MSI2: variants seen among roughly 807,000 people sequenced by gnomAD.
MSI2 encodes the protein musashi RNA binding protein 2.
In MSI2, 17 loss-of-function variants were observed where a neutral mutation model predicts 45.6. The observed-to-expected ratio is 0.37, with a 90% CI of 0.26 to 0.56. MSI2 has a LOEUF of 0.56. Ranked by LOEUF, MSI2 falls within the 20% of genes least tolerant of loss-of-function variation. The probability of loss-of-function intolerance (pLI) is 0.77; values close to 1 mark genes in which losing one functional copy is unlikely to be tolerated. For synonymous variants in MSI2, 156 were observed against 158.2 expected (o/e 0.99, Z 0.11); for missense variants, 293 against 444.2 (o/e 0.66, Z 3.06).
chr17:57,300,334 T>C (rs1041828828), intron 5 of MSI2, among the ~76,000 whole-genome samples: 6 of 152,214 alleles, frequency 3.9e-5, no homozygotes, highest in Non-Finnish European at 5.9e-5. Flanking sequence ...TAAAAAATGT[T>C]CCCAATTACA....
intron 5 of MSI2, among the ~76,000 whole-genome samples, chr17:57,393,017 GA>G (rs1482850113): frequency 1.3e-5 from 2 of 152,066 alleles, no homozygotes; most frequent in Admixed American, 1.3e-4. Context: ...ACCTCAAAAA[GA>G]AACCGCATAC....
At chr17:57,472,162 A>G (rs2085450512) in intron 6 of MSI2, among the ~76,000 whole-genome samples, 1 of 152,164 alleles carries the variant, frequency 6.6e-6, no homozygotes, top group Non-Finnish European at 1.5e-5. Context: ...AGCCGAAATA[A>G]TGGATGCCTA....
At chr17:57,310,734 C>T (rs577815116) in intron 5 of MSI2, among the ~76,000 whole-genome samples, 1 of 152,136 alleles carries the variant, frequency 6.6e-6, no homozygotes, top group African/African-American at 2.4e-5. Flanking sequence ...ACCAGTGCCA[C>T]GGGGATATTA....
intron 6 of MSI2, among the ~76,000 whole-genome samples, chr17:57,470,577 C>A (rs191844864): frequency 1.1e-4 from 16 of 152,312 alleles, no homozygotes; most frequent in Non-Finnish European, 1.9e-4. Flanking sequence ...CTTGCCTGGC[C>A]CACACTGAAT....
intron 11 of MSI2, among the ~76,000 whole-genome samples, chr17:57,654,744 T>G (rs1172710909): frequency 6.6e-6 from 1 of 152,124 alleles, no homozygotes; most frequent in Non-Finnish European, 1.5e-5. Context: ...GGAGAGTCTG[T>G]TGAGTACCTA....
chr17:57,427,794 A>G (rs896085676), intron 6 of MSI2, among the ~76,000 whole-genome samples: 1 of 152,108 alleles, frequency 6.6e-6, no homozygotes, highest in Non-Finnish European at 1.5e-5. Flanking sequence ...TCGGCTTTTA[A>G]TGGTTTAAGG....
chr17:57,626,955 T>C (rs1361001581), intron 9 of MSI2: 3 of 543,206 alleles, frequency 5.5e-6, no homozygotes, highest in Non-Finnish European at 9.9e-6. Flanking sequence ...TTGGTGCTGA[T>C]GCATGGCATT....
rs573898082 is a variant in MSI2 at position 57,519,458 on chromosome 17, G to A, written c.406-10218G>A. On this transcript the variant is annotated intron_variant, in intron 6 of 13. Coordinates refer to ENST00000284073, the MANE Select transcript of MSI2 (RefSeq NM_138962.4). ...GGGGAGACTCGCATGGCTGAGCCTG[G>A]ACTGCGTTCCAGAGCCCTCTGGCAG... is the stretch of plus-strand genomic sequence containing the variant. Among the ~76,000 whole-genome samples the A allele has an allele frequency of 7.2e-5, 11 of 152,266 alleles. No homozygotes were observed. In the South Asian group the frequency reaches 2.3e-3, roughly 32 times the overall value.
chr17:57,654,832 C>T (rs1004143256), intron 11 of MSI2, among the ~76,000 whole-genome samples: 20 of 151,908 alleles, frequency 1.3e-4, no homozygotes, highest in Non-Finnish European at 4.4e-5. Context: ...CCCAGGGGCT[C>T]TCAGGCTTCA....
chr17:57,627,163 G>A lies in MSI2; in HGVS notation c.653-66G>A. On this transcript the variant is annotated intron_variant, in intron 9 of 13. Transcript: ENST00000284073. This position sits in a 1 kb window ranked among gnomAD's most constrained non-coding sequence, Gnocchi z 4.6. ...GGCTTTCCTCATTGCCACCCTCCGT[G>A]AGATTTTACCCCAGACCTGAGGCGG... The A allele has an allele frequency of 7.1e-7, 1 of 1,414,338 alleles. No individual in the cohort carries two copies. 87.6% of individuals were successfully genotyped at this position (1,414,338 alleles called of 1,614,324 possible). A position where few individuals can be genotyped will look rare whatever the true frequency, so the allele number is the denominator to read the frequency against.
intron 5 of MSI2, chr17:57,265,904 G>A (rs1907724926): frequency 6.6e-6 from 1 of 152,214 alleles, no homozygotes; most frequent in African/African-American, 2.4e-5. Context: ...TTGGACTGGA[G>A]TGTTGGCTGT....
Position 57,262,198 on chromosome 17 carries a change from TAGG to T in MSI2, c.312+9_312+11del, listed in dbSNP as rs1188271798. ...CTCGTCGAGCGCAACCCAAGGTAAG[TAGG>T]AGAATAAACAGTAGGATTTTAGCAC... On this transcript the variant is annotated splice_region_variant and intron_variant, in intron 5 of 13. Coordinates refer to ENST00000284073, the MANE Select transcript of MSI2 (RefSeq NM_138962.4). 6.2e-7 allele frequency: 1 copy of T among 1,613,948 alleles called. No homozygotes were observed. Among genetic ancestry groups the T allele is most frequent in the African/African-American group, 1.3e-5 (1 of 75,008 alleles).
chr17:57,369,793 C>A (rs1203611097), intron 5 of MSI2, among the ~76,000 whole-genome samples: 1 of 152,164 alleles, frequency 6.6e-6, no homozygotes, highest in African/African-American at 2.4e-5. Flanking sequence ...AGAGAGGTTA[C>A]CTTAATTTGC....
At chr17:57,412,217 T>C (rs1339881323) in intron 6 of MSI2, among the ~76,000 whole-genome samples, 1 of 152,058 alleles carries the variant, frequency 6.6e-6, no homozygotes. Context: ...TTTGTATTTT[T>C]AGTAGAGACA....
At chr17:57,384,654 C>T (rs750199908) in intron 5 of MSI2, among the ~76,000 whole-genome samples, 1 of 152,214 alleles carries the variant, frequency 6.6e-6, no homozygotes, top group Non-Finnish European at 1.5e-5. Context: ...TCTTCCTCCT[C>T]CCCTAGTTCA....
At chr17:57,526,369 G>GTA (rs1250724169) in intron 6 of MSI2, among the ~76,000 whole-genome samples, 53 of 84,496 alleles carry the variant, frequency 6.3e-4, no homozygotes, top group Middle Eastern at 6.0e-3. Flanking sequence ...GTGTGTGTGT[G>GTA]TGTGTGTGTG....
At chr17:57,534,488 G>C (rs1366305400) in intron 7 of MSI2, among the ~76,000 whole-genome samples, 1 of 152,172 alleles carries the variant, frequency 6.6e-6, no homozygotes, top group African/African-American at 2.4e-5. Context: ...GAGGCGGGTG[G>C]ATCACCAGAG....
At chr17:57,614,894 G>C (rs776653906) in intron 8 of MSI2, among the ~76,000 whole-genome samples, 1 of 152,110 alleles carries the variant, frequency 6.6e-6, no homozygotes, top group Admixed American at 6.5e-5. Flanking sequence ...AAATTTGAGA[G>C]TCAGAAGGGA....
the MSI2 span, among the ~76,000 whole-genome samples, chr17:57,694,566 A>G: frequency 1.3e-5 from 2 of 152,172 alleles, no homozygotes. Context: ...GGAATGGGCT[A>G]ATTAACAGTT....
Sources: gnomAD v4.1 joint callset for allele counts (sites outside exome capture counted in the v4.1 genomes callset) on GRCh38, gnomAD v4.1.1 for gene constraint, Gnocchi (gnomAD v3.1) non-coding constraint, MANE v1.5 for transcripts, NCBI Gene and HGNC (gene_info 2026-07-23, HGNC 2026-07-21) for gene names.